The following PGCKA1 variants were observed in gnomAD, a reference collection of about 807,000 sequenced individuals.
The protein encoded by PGCKA1 is PDCD10 and GCKIII kinases associated 1.
At chr4:37,532,169 C>G in the PGCKA1 span, among the ~76,000 whole-genome samples, 1 of 151,970 alleles carries the variant, frequency 6.6e-6, no homozygotes, top group Non-Finnish European at 1.5e-5. Flanking sequence ...TGTTGCTTGT[C>G]TACAATTAAG....
At chr4:37,565,255 T>C in the PGCKA1 span, among the ~76,000 whole-genome samples, 2 of 152,226 alleles carry the variant, frequency 1.3e-5, no homozygotes, top group African/African-American at 4.8e-5. Context: ...CATGATATTC[T>C]GAGTTAATTT....
chr4:37,539,028 C>A, the PGCKA1 span, among the ~76,000 whole-genome samples: 3 of 152,148 alleles, frequency 2.0e-5, no homozygotes, highest in African/African-American at 7.2e-5. Context: ...GAATGACCCC[C>A]ACATAGCACT....
At chr4:37,531,431 G>A in the PGCKA1 span, among the ~76,000 whole-genome samples, 1 of 152,154 alleles carries the variant, frequency 6.6e-6, no homozygotes, top group Non-Finnish European at 1.5e-5. Flanking sequence ...ATGTGGCTGA[G>A]AGAAAATTGT....
the PGCKA1 span, among the ~76,000 whole-genome samples, chr4:37,486,808 G>C: frequency 3.3e-5 from 5 of 152,154 alleles, no homozygotes; most frequent in South Asian, 1.0e-3. Flanking sequence ...CATGCACATT[G>C]TCCCATACCT....
the PGCKA1 span, among the ~76,000 whole-genome samples, chr4:37,559,672 C>T: frequency 0.04 from 6,016 of 152,162 alleles, 235 homozygotes; most frequent in East Asian, 0.14. Flanking sequence ...TCCAGGATAA[C>T]GACTAGTCCT....
chr4:37,482,377 G>T, the PGCKA1 span, among the ~76,000 whole-genome samples: 5 of 152,310 alleles, frequency 3.3e-5, no homozygotes, highest in African/African-American at 1.2e-4. Context: ...TGAAGAACTT[G>T]TTGGGAACTG....
chr4:37,513,474 C>G, the PGCKA1 span, among the ~76,000 whole-genome samples: 3 of 152,238 alleles, frequency 2.0e-5, no homozygotes, highest in Non-Finnish European at 4.4e-5. Flanking sequence ...TTCATGTGGT[C>G]TTTCCTTGCT....
chr4:37,586,250 G>A, the PGCKA1 span, among the ~76,000 whole-genome samples: 1 of 152,082 alleles, frequency 6.6e-6, no homozygotes, highest in Non-Finnish European at 1.5e-5. Flanking sequence ...ACACCTGGGC[G>A]ACACGGCTGG....
the PGCKA1 span, among the ~76,000 whole-genome samples, chr4:37,552,215 G>A: frequency 1.6e-4 from 25 of 152,212 alleles, no homozygotes; most frequent in Non-Finnish European, 3.2e-4. Context: ...TTGTGAAACT[G>A]CCTGCTGTGT....
At chr4:37,478,652 G>C in the PGCKA1 span, among the ~76,000 whole-genome samples, 1 of 152,194 alleles carries the variant, frequency 6.6e-6, no homozygotes. Flanking sequence ...TTATTTTCCT[G>C]AGTTGGTCTT....
chr4:37,504,192 T>C, the PGCKA1 span, among the ~76,000 whole-genome samples: 1 of 152,184 alleles, frequency 6.6e-6, no homozygotes, highest in East Asian at 1.9e-4. Flanking sequence ...GTACCATTCA[T>C]TGCCAACGTA....
At chr4:37,497,918 C>T in the PGCKA1 span, among the ~76,000 whole-genome samples, 1 of 152,070 alleles carries the variant, frequency 6.6e-6, no homozygotes, top group Admixed American at 6.5e-5. Context: ...GTTGTTATTG[C>T]ATTAGCTTTT....
the PGCKA1 span, among the ~76,000 whole-genome samples, chr4:37,470,879 G>T: frequency 1.3e-5 from 2 of 151,960 alleles, no homozygotes; most frequent in Non-Finnish European, 2.9e-5. Context: ...GCTATGTGTG[G>T]TTTTCTTCCA....
the PGCKA1 span, among the ~76,000 whole-genome samples, chr4:37,494,703 T>A: frequency 6.6e-6 from 1 of 152,232 alleles, no homozygotes; most frequent in African/African-American, 2.4e-5. Flanking sequence ...ATTGCCACAC[T>A]GTTTTCCACA....
chr4:37,490,034 AGAG>A, the PGCKA1 span, among the ~76,000 whole-genome samples: 2 of 152,116 alleles, frequency 1.3e-5, no homozygotes, highest in Non-Finnish European at 2.9e-5. Context: ...AAGAAAAGAA[AGAG>A]GATAGAAAAA....
the PGCKA1 span, among the ~76,000 whole-genome samples, chr4:37,554,871 T>G: frequency 6.6e-6 from 1 of 152,168 alleles, no homozygotes; most frequent in Admixed American, 6.5e-5. Context: ...AGAAAGTAGC[T>G]GGAGGAGTTC....
chr4:37,537,872 A>C, the PGCKA1 span, among the ~76,000 whole-genome samples: 39 of 152,196 alleles, frequency 2.6e-4, no homozygotes, highest in Non-Finnish European at 5.0e-4. Context: ...CATTATCGTA[A>C]AATGAAGCTA....
the PGCKA1 span, among the ~76,000 whole-genome samples, chr4:37,572,073 T>TTTTTTTTTTTTTTTTC: frequency 1.5e-5 from 2 of 134,682 alleles, no homozygotes; most frequent in African/African-American, 2.7e-5. Context: ...CTTTTTTTTT[T>TTTTTTTTTTTTTTTTC]TTTTTTTGAG....
the PGCKA1 span, among the ~76,000 whole-genome samples, chr4:37,593,231 G>A: frequency 6.6e-6 from 1 of 152,122 alleles, no homozygotes; most frequent in Non-Finnish European, 1.5e-5. Context: ...CAGTTGTATG[G>A]GACGAGTGTT....
Sources: gnomAD v4.1 joint callset for allele counts (sites outside exome capture counted in the v4.1 genomes callset) on GRCh38, gnomAD v4.1.1 for gene constraint, MANE v1.5 for transcripts, NCBI Gene and HGNC (gene_info 2026-07-23, HGNC 2026-07-21) for gene names.